Variants in WDR49 observed in about 807,000 individuals in gnomAD.
WDR49 encodes the protein cilia- and flagella-associated protein 337.
In WDR49, 107 loss-of-function variants were observed where a neutral mutation model predicts 119.5. The ratio of observed to expected loss-of-function variants is 0.90; its 90% CI spans 0.77 to 1.05. The LOEUF (loss-of-function observed/expected upper bound fraction) is 1.05. WDR49 is among the 50% of genes least tolerant of loss of function. The probability of loss-of-function intolerance (pLI) is 0.00; values close to 1 mark genes in which losing one functional copy is unlikely to be tolerated. For synonymous variants in WDR49, 425 were observed against 418.8 expected, an observed-to-expected ratio of 1.01 and a Z score of -0.18; for missense variants, 1,240 against 1,220.5, an observed-to-expected ratio of 1.02 and a Z score of -0.24.
chr3:167,554,758 A>C lies in WDR49; in HGVS notation c.1715T>G (p.Val572Gly). 6.2e-7 allele frequency: 1 copy of C among 1,613,138 alleles called. No individual in the cohort carries two copies. Among genetic ancestry groups the C allele is most frequent in the Non-Finnish European group, 8.5e-7 (1 of 1,179,668 alleles). ...AATATCCACAGCTCCATCTTGCCCA[A>C]CATTTAGTGTATGGTGACAATATCC... is the stretch of plus-strand genomic sequence containing the variant. Reference protein sequence around the residue: ...FNGYCHHTLNVGQDGAVDISQ... With the variant: ...FNGYCHHTLNGGQDGAVDISQ... Residue 572 changes from valine to glycine, a missense_variant, in exon 10 of 19, where the codon GTT becomes GGT. Transcript: ENST00000682715.
intron 5 of WDR49, among the ~76,000 whole-genome samples, chr3:167,611,184 G>C (rs543863220): frequency 6.6e-6 from 1 of 152,232 alleles, no homozygotes; most frequent in Non-Finnish European, 1.5e-5. Flanking sequence ...ACAACAAAAA[G>C]ATAAAAAGCA....
At chr3:167,645,318 C>A (rs1422713790) in intron 2 of WDR49, among the ~76,000 whole-genome samples, 2 of 152,094 alleles carry the variant, frequency 1.3e-5, no homozygotes, top group African/African-American at 2.4e-5. Context: ...TCAAGCAATT[C>A]TCCCCCCTCA....
chr3:167,531,709 A>G (rs1426188742), intron 12 of WDR49, among the ~76,000 whole-genome samples: 1 of 152,116 alleles, frequency 6.6e-6, no homozygotes, highest in Non-Finnish European at 1.5e-5. Context: ...TTTTAACAAT[A>G]CTATTTGTTA....
chr3:167,499,637 T>C (rs952251820), intron 18 of WDR49, among the ~76,000 whole-genome samples: 3 of 152,244 alleles, frequency 2.0e-5, no homozygotes, highest in East Asian at 3.8e-4. Context: ...ATCTTGTTTC[T>C]ATATCTTTAG....
chr3:167,514,628 GACACACACACAC>G (rs59265631), intron 16 of WDR49, among the ~76,000 whole-genome samples: 35,934 of 140,962 alleles, frequency 0.25, 4,392 homozygotes, highest in South Asian at 0.3. Flanking sequence ...AGGAGATGCA[GACACACACACAC>G]ACACACACAC....
At chr3:167,559,322 A>C (rs1242436624) in intron 9 of WDR49, among the ~76,000 whole-genome samples, 1 of 152,150 alleles carries the variant, frequency 6.6e-6, no homozygotes, top group African/African-American at 2.4e-5. Flanking sequence ...ATTACCTTCT[A>C]TTGCCTCAAA....
In WDR49 at chr3:167,560,060, G is replaced by A. The variant is rs762998135; in HGVS notation, c.1674+4C>T. 69 of 1,613,558 alleles carry A rather than the reference G, an allele frequency of 4.3e-5. No individual in the cohort carries two copies. The highest frequency in any genetic ancestry group is 1.2e-4 in the South Asian group (11 of 91,018). ...TGGATAGAAAAGCATCATTGTGTTC[G>A]CACCTTTACAGTCCCATCTGTGCTG... On this transcript the variant is annotated splice_donor_region_variant and intron_variant, in intron 9 of 18. Transcript: ENST00000682715.
At chr3:167,629,266 G>A (rs191438880) in intron 2 of WDR49, among the ~76,000 whole-genome samples, 1 of 152,118 alleles carries the variant, frequency 6.6e-6, no homozygotes, top group Admixed American at 6.6e-5. Context: ...CTCTATAAGT[G>A]AAATAACAAA....
intron 7 of WDR49, among the ~76,000 whole-genome samples, chr3:167,589,922 A>G (rs909827485): frequency 1.3e-5 from 2 of 151,934 alleles, no homozygotes; most frequent in African/African-American, 4.8e-5. Context: ...CTCTTGTCTG[A>G]TTATTCTAGC....
At chr3:167,524,568 G>C (rs749330689) in intron 15 of WDR49, among the ~76,000 whole-genome samples, 31 of 152,110 alleles carry the variant, frequency 2.0e-4, no homozygotes, top group Non-Finnish European at 2.6e-4. Context: ...AATCCATTTT[G>C]AGTTAATTTT....
Position 167,627,064 on chromosome 3 carries a change from G to A in WDR49, c.394C>T (p.Leu132Phe). The part of the protein sequence containing the change: ...KATVVPQWKD[L>F]EFLPVKHKDT... ...TTGTGTTTTACTGGGAGGAATTCAA[G>A]GTCCTTCCACTGGGGCACCACAGTT... is the stretch of plus-strand genomic sequence containing the variant. The change falls in exon 3 of 19, where the codon CTT (leucine) becomes TTT (phenylalanine). Residue 132 changes from leucine to phenylalanine, a missense_variant. Leu to Phe is a conservative substitution (Grantham distance 22). Coordinates refer to ENST00000682715, the MANE Select transcript of WDR49 (RefSeq NM_001366157.1). 1.5e-6 allele frequency: 2 copies of A among 1,302,318 alleles called. No individual in the cohort carries two copies. Among genetic ancestry groups the A allele is most frequent in the East Asian group, 2.9e-5 (1 of 34,170 alleles). 80.7% of individuals were successfully genotyped at this position (1,302,318 alleles called of 1,614,324 possible).
intron 2 of WDR49, among the ~76,000 whole-genome samples, chr3:167,640,509 G>C (rs1215746702): frequency 1.3e-5 from 2 of 151,866 alleles, no homozygotes; most frequent in Non-Finnish European, 2.9e-5. Context: ...CTCGTAACAA[G>C]AAGACCAAAA....
chr3:167,657,892 G>C (rs1373789675), upstream of WDR49, among the ~76,000 whole-genome samples: 1 of 152,186 alleles, frequency 6.6e-6, no homozygotes, highest in Non-Finnish European at 1.5e-5. Context: ...TCTGTGTAAA[G>C]GAACCTCCTC....
intron 17 of WDR49, among the ~76,000 whole-genome samples, chr3:167,503,787 C>A (rs1020698306): frequency 1.3e-5 from 2 of 152,166 alleles, no homozygotes; most frequent in Non-Finnish European, 2.9e-5. Context: ...AGTGCAGTTG[C>A]AAGATTTAAT....
At chr3:167,600,227 C>G (rs1346383899) in intron 7 of WDR49, among the ~76,000 whole-genome samples, 1 of 152,056 alleles carries the variant, frequency 6.6e-6, no homozygotes, top group African/African-American at 2.4e-5. Flanking sequence ...GTGGTACAAG[C>G]ACTCCTTTAG....
intron 9 of WDR49, 132 bp downstream of exon 9, chr3:167,559,932 A>C: frequency 1.1e-6 from 1 of 885,992 alleles, no homozygotes; most frequent in Non-Finnish European, 1.6e-6. Flanking sequence ...GAGTTATTTC[A>C]CTCTTACCAT....
intron 2 of WDR49, among the ~76,000 whole-genome samples, chr3:167,648,108 C>T (rs1718210271): frequency 6.6e-6 from 1 of 152,176 alleles, no homozygotes. Flanking sequence ...TGAGTTCTGG[C>T]TCTGCCCATG....
rs1277542046 is a variant in WDR49, at chr3:167,529,033, A to T, written c.2406+19T>A. Reference sequence around the variant, plus strand: ...CACCAAAAATCTTAAAGGTAATGTGATAATGTTTTTCAATTTACCTCTATA... The same window carrying T: ...CACCAAAAATCTTAAAGGTAATGTGTTAATGTTTTTCAATTTACCTCTATA... On this transcript the variant is annotated intron_variant, in intron 14 of 18. Coordinates refer to ENST00000682715, the MANE Select transcript of WDR49 (RefSeq NM_001366157.1). 6.5e-7 allele frequency: 1 copy of T among 1,531,246 alleles called. No individual in the cohort carries two copies. The highest frequency in any genetic ancestry group is 8.7e-7 in the Non-Finnish European group (1 of 1,144,066). The allele number at this position is 1,531,246 out of a possible 1,614,324, so 94.9% of individuals were successfully genotyped here. A position where few individuals can be genotyped will look rare whatever the true frequency, so the allele number is the denominator to read the frequency against.
At position 167,627,218 on chromosome 3, in the gene WDR49, C is replaced by T. The variant is rs928879132; in HGVS notation, c.240G>A (p.Trp80Ter). 8.8e-6 allele frequency: 11 copies of T among 1,253,714 alleles called. No homozygotes were observed. In the Admixed American group the frequency reaches 1.2e-4, roughly 14 times the overall value. 77.7% of individuals were successfully genotyped at this position (1,253,714 alleles called of 1,614,324 possible). A position where few individuals can be genotyped will look rare whatever the true frequency, so the allele number is the denominator to read the frequency against. Residue 80 changes from tryptophan (W) to a stop codon, truncating the protein, a stop_gained, in exon 3 of 19, where the codon TGG (tryptophan) becomes TGA (stop). Transcript: ENST00000682715. LOFTEE classifies it high-confidence loss of function. Reference protein sequence around the residue: ...FTQKMTEIVGWGTKEEYGELF... With the variant: ...FTQKMTEIVG ...GCTCCCCATATTCTTCCTTCGTGCC[C>T]CAACCAACAATCTCTGTCATCTTCT... is the stretch of plus-strand genomic sequence containing the variant.
Sources: gnomAD v4.1 joint callset for allele counts (sites outside exome capture counted in the v4.1 genomes callset) on GRCh38, gnomAD v4.1.1 for gene constraint, MANE v1.5 for transcripts, NCBI Gene and HGNC (gene_info 2026-07-23, HGNC 2026-07-21) for gene names.